SLC7A11: variants seen among roughly 807,000 people sequenced by gnomAD.
The protein encoded by SLC7A11 is solute carrier family 7 member 11.
SLC7A11 carries 35 observed loss-of-function variants against 54.5 expected under a neutral mutation model. The ratio of observed to expected loss-of-function variants is 0.64; its 90% confidence interval spans 0.49 to 0.85. The LOEUF is 0.85. SLC7A11 is among the 40% of genes least tolerant of loss of function. The probability of loss-of-function intolerance (pLI) is 0.00; values close to 1 mark genes in which losing one functional copy is unlikely to be tolerated. For synonymous variants in SLC7A11, 230 were observed against 225.2 expected (o/e 1.02, Z -0.19); for missense variants, 583 against 618.1 (o/e 0.94, Z 0.60).
chr4:138,201,270 C>CA (rs1240699857), intron 6 of SLC7A11, among the ~76,000 whole-genome samples: 3 of 152,020 alleles, frequency 2.0e-5, no homozygotes, highest in Non-Finnish European at 4.4e-5. Flanking sequence ...ATATATAAAA[C>CA]AGTGGCCTTT....
chr4:138,179,162 T>C, intron 11 of SLC7A11, 55 bp downstream of exon 11: 1 of 1,233,590 alleles, frequency 8.1e-7, no homozygotes, highest in East Asian at 2.3e-5. Context: ...TGCACACCTT[T>C]ATGGGTTTTC....
At chr4:138,204,940 TA>T (rs962285089) in intron 6 of SLC7A11, among the ~76,000 whole-genome samples, 5 of 152,064 alleles carry the variant, frequency 3.3e-5, no homozygotes, top group Non-Finnish European at 5.9e-5. Context: ...TCCCTATTCA[TA>T]AAACAATTAT....
intron 5 of SLC7A11, 110 bp from the exon 6 acceptor site, chr4:138,214,739 A>G (rs1578658663): frequency 2.8e-6 from 1 of 363,318 alleles, no homozygotes; most frequent in African/African-American, 2.2e-5. Flanking sequence ...CTATAACAAT[A>G]CTTATAGTAA....
rs1736411770 is a variant in SLC7A11 at position 138,170,987 on chromosome 4, T to TAACA, written c.*965_*968dup. ...TAAATTTAAAAAACTTCAGAATTAC[T>TAACA]AACATTGCATGTAGATATGATTACA... On this transcript the variant is annotated 3_prime_UTR_variant, in exon 12 of 12. Coordinates refer to ENST00000280612, the MANE Select transcript of SLC7A11 (RefSeq NM_014331.4). 6.6e-6 allele frequency: 1 copy of TAACA among 152,216 alleles called. No homozygotes were observed. 9.4% of individuals were successfully genotyped at this position (152,216 alleles called of 1,614,324 possible). A position where few individuals can be genotyped will look rare whatever the true frequency, so the allele number is the denominator to read the frequency against.
At position 138,236,289 on chromosome 4, in the gene SLC7A11, T is replaced by C. The variant is rs144642306; in HGVS notation, c.404+36A>G. ...AAGGTGATTCATAAGAATGAATTGG[T>C]TTATTTTTTCTTAATTCTTTCTACT... On this transcript the variant is annotated intron_variant, in intron 2 of 11. Coordinates refer to ENST00000280612, the MANE Select transcript of SLC7A11 (RefSeq NM_014331.4). 2,134 of 1,568,116 alleles carry C rather than the reference T, an allele frequency of 1.4e-3. 5 individuals are homozygous for C. Among genetic ancestry groups the C allele is most frequent in the Admixed American group, 2.2e-3 (115 of 52,436 alleles).
intron 11 of SLC7A11, 54 bp downstream of exon 11, chr4:138,179,163 A>G: frequency 2.4e-6 from 3 of 1,237,286 alleles, no homozygotes; most frequent in Non-Finnish European, 3.5e-6. Flanking sequence ...GCACACCTTT[A>G]TGGGTTTTCT....
At chr4:138,220,155 G>A (rs1737777090) in intron 4 of SLC7A11, among the ~76,000 whole-genome samples, 1 of 151,940 alleles carries the variant, frequency 6.6e-6, no homozygotes, top group South Asian at 2.1e-4. Flanking sequence ...GGCCAGGCTG[G>A]TCTTGAACTC....
rs2148403354 is a variant in SLC7A11 at position 138,167,742 on chromosome 4, ACT to A, written c.*4212_*4213del. ...TGAATGGTTAGGAAAGCAAAATGTA[ACT>A]CTGTAAACTTGATCAGCACTAATGT... On this transcript the variant is annotated 3_prime_UTR_variant, in exon 12 of 12. Transcript: ENST00000280612. The A allele has an allele frequency of 6.6e-6, 1 of 152,286 alleles. No individual in the cohort carries two copies. Among genetic ancestry groups the A allele is most frequent in the Non-Finnish European group, 1.5e-5 (1 of 68,022 alleles). 9.4% of individuals were successfully genotyped at this position (152,286 alleles called of 1,614,324 possible).
intron 11 of SLC7A11, among the ~76,000 whole-genome samples, chr4:138,172,434 C>T (rs1050146882): frequency 2.0e-5 from 3 of 152,192 alleles, no homozygotes; most frequent in Non-Finnish European, 2.9e-5. Flanking sequence ...ATGTAATTTT[C>T]ATTCTCTAAC....
chr4:138,206,139 A>T (rs1437398880), intron 6 of SLC7A11, among the ~76,000 whole-genome samples: 1 of 151,918 alleles, frequency 6.6e-6, no homozygotes, highest in Non-Finnish European at 1.5e-5. Context: ...CATCTGGTTA[A>T]AAAGGATTAG....
intron 3 of SLC7A11, among the ~76,000 whole-genome samples, chr4:138,229,777 A>C (rs139800054): frequency 2.0e-5 from 3 of 152,238 alleles, no homozygotes; most frequent in Non-Finnish European, 2.9e-5. Context: ...TAGCATTAGT[A>C]TTCATATAAG....
At position 138,171,976 on chromosome 4, in the gene SLC7A11, G is replaced by A. The variant is rs1304985197; in HGVS notation, c.1486C>T (p.Pro496Ser). 1 of 1,595,446 alleles carries A rather than the reference G, an allele frequency of 6.3e-7. No homozygotes were observed. The highest frequency in any genetic ancestry group is 1.8e-5 in the Admixed American group (1 of 55,974). Residue 496 changes from proline (P) to serine (S), a missense_variant, in exon 12 of 12, where the codon CCA (proline) becomes TCA (serine). Pro to Ser is a moderately conservative substitution (Grantham distance 74). Transcript: ENST00000280612. ...TTAGTTCATAACTTATCTTCTTCTG[G>A]TACAACTTCCAGTATTATTTGTAAT... is the stretch of plus-strand genomic sequence containing the variant. ...RTLQIILEVV[P>S]EEDKL
chr4:138,207,188 T>C (rs1289215398), intron 6 of SLC7A11, among the ~76,000 whole-genome samples: 2 of 152,042 alleles, frequency 1.3e-5, no homozygotes, highest in Admixed American at 1.3e-4. Flanking sequence ...CTTAAAAACA[T>C]ATAACTTGAG....
chr4:138,239,097 A>G (rs1738312504), intron 1 of SLC7A11, among the ~76,000 whole-genome samples: 1 of 152,208 alleles, frequency 6.6e-6, no homozygotes, highest in African/African-American at 2.4e-5. Flanking sequence ...AATTTTAACT[A>G]GTTGCAACTC....
At chr4:138,176,138 T>TA (rs1309431296) in intron 11 of SLC7A11, 1 of 152,108 alleles carries the variant, frequency 6.6e-6, no homozygotes, top group Non-Finnish European at 1.5e-5. Context: ...GCTAAGAAAA[T>TA]ACTTCCTATT....
chr4:138,223,983 T>C (rs775418537), intron 3 of SLC7A11, among the ~76,000 whole-genome samples: 3 of 152,174 alleles, frequency 2.0e-5, no homozygotes, highest in Non-Finnish European at 4.4e-5. Flanking sequence ...CACATTGGGT[T>C]CAAAGCCAGA....
intron 6 of SLC7A11, among the ~76,000 whole-genome samples, chr4:138,210,340 A>T (rs2148435688): frequency 6.6e-6 from 1 of 152,148 alleles, no homozygotes. Flanking sequence ...CTTGGGAGAG[A>T]ATTTATGACT....
rs1243746681 is a variant in SLC7A11, at chr4:138,166,697, T to C, written c.*5259A>G. ...AAGGCGGTTATTGGTACTATAAATG[T>C]ACACTTGATTCAAGTACGCTGAAAC... On this transcript the variant is annotated 3_prime_UTR_variant, in exon 12 of 12. Transcript: ENST00000280612. 1 of 152,528 alleles carries C rather than the reference T, an allele frequency of 6.6e-6. No homozygotes were observed. The highest frequency in any genetic ancestry group is 1.5e-5 in the Non-Finnish European group (1 of 68,030). The allele number at this position is 152,528 out of a possible 1,614,324, so 9.4% of individuals were successfully genotyped here.
intron 6 of SLC7A11, among the ~76,000 whole-genome samples, chr4:138,201,521 T>C (rs1737286333): frequency 6.6e-6 from 1 of 152,106 alleles, no homozygotes; most frequent in Admixed American, 6.6e-5. Context: ...AAAAACAACC[T>C]CCAGCATTGG....
Sources: allele counts gnomAD v4.1 joint callset (sites outside exome capture counted in the v4.1 genomes callset), GRCh38; gene constraint gnomAD v4.1.1; transcripts MANE v1.5; gene names NCBI Gene and HGNC (gene_info 2026-07-23, HGNC 2026-07-21).